Variants in AGMO observed in about 807,000 individuals in gnomAD.
The protein encoded by AGMO is alkylglycerol monooxygenase.
Under a neutral mutation model 60.2 loss-of-function variants are expected in AGMO, and 75 were observed. The ratio of observed to expected loss-of-function variants is 1.25; its 90% CI spans 1.03 to 1.51. The LOEUF is 1.51. AGMO is among the 40% of genes most tolerant of loss of function. The pLI, the probability that AGMO is intolerant of heterozygous loss-of-function variation, is 0.00. For missense variants in AGMO, 763 were observed against 525.5 expected (o/e 1.45, Z -4.42); for synonymous variants, 261 against 177.1 (o/e 1.47, Z -3.76).
intron 3 of AGMO, among the ~76,000 whole-genome samples, chr7:15,473,207 G>A (rs978824785): frequency 2.6e-5 from 4 of 151,818 alleles, no homozygotes; most frequent in African/African-American, 7.3e-5. Flanking sequence ...GGAAGAAGTG[G>A]AATTCCTGAA....
At chr7:15,354,443 CACGT>C (rs1471490542) in intron 12 of AGMO, among the ~76,000 whole-genome samples, 2,147 of 18,728 alleles carry the variant, frequency 0.11, 248 homozygotes, top group African/African-American at 0.22. Context: ...TGTGTATACA[CACGT>C]GTGTGTATAC....
chr7:15,469,895 G>A lies in AGMO; in HGVS notation c.410-38787C>T, dbSNP rs146939680. 3.3e-5 allele frequency among the ~76,000 whole-genome samples: 5 copies of A among 152,086 alleles called. No homozygotes were observed. The South Asian group carries it at 8.3e-4, about 25-fold the overall frequency. On this transcript the variant is annotated intron_variant, in intron 3 of 12. Coordinates refer to ENST00000342526, the MANE Select transcript of AGMO (RefSeq NM_001004320.2). ...GGTGAAGATGGAGACTAGGATGATT[G>A]TCATGTGTCAATTATACGTAGGCAT...
chr7:15,473,445 A>G (rs1782509960), intron 3 of AGMO, among the ~76,000 whole-genome samples: 1 of 152,018 alleles, frequency 6.6e-6, no homozygotes, highest in African/African-American at 2.4e-5. Context: ...GACACAACAA[A>G]AAAAGAAAAT....
chr7:15,309,094 A>G (rs568539889), intron 12 of AGMO, among the ~76,000 whole-genome samples: 2 of 152,296 alleles, frequency 1.3e-5, no homozygotes, highest in South Asian at 4.1e-4. Flanking sequence ...CATCAGCAAT[A>G]GTTCCTTAGA....
chr7:15,284,672 G>C (rs1784053930), intron 12 of AGMO, among the ~76,000 whole-genome samples: 1 of 151,712 alleles, frequency 6.6e-6, no homozygotes, highest in African/African-American at 2.4e-5. Context: ...AACCCTGCTG[G>C]AACTAGTCCA....
rs370724708 is a variant in AGMO, at chr7:15,547,588, C to T, written c.258-2665G>A. On this transcript the variant is annotated intron_variant, in intron 2 of 12. Coordinates refer to ENST00000342526, the MANE Select transcript of AGMO (RefSeq NM_001004320.2). ...CCTGGAAAATCGGGTCACTCCCACA[C>T]GAATATTGCGCTTTTCGGACCGGCT... is the stretch of plus-strand genomic sequence containing the variant. Among the ~76,000 whole-genome samples the T allele has an allele frequency of 9.2e-5, 14 of 152,232 alleles. No homozygotes were observed. In the East Asian group the frequency reaches 1.2e-3, roughly 13 times the overall value.
At chr7:15,118,195 C>CAA in the AGMO span, among the ~76,000 whole-genome samples, 1 of 151,534 alleles carries the variant, frequency 6.6e-6, no homozygotes, top group Non-Finnish European at 1.5e-5. Flanking sequence ...CACACACACA[C>CAA]ACACACACAC....
intron 12 of AGMO, among the ~76,000 whole-genome samples, chr7:15,262,541 A>G (rs908434378): frequency 2.6e-5 from 4 of 152,116 alleles, no homozygotes; most frequent in African/African-American, 9.7e-5. Context: ...CATACTGCCA[A>G]TAGCAGTCTA....
chr7:15,497,236 C>A (rs909119637), intron 3 of AGMO, among the ~76,000 whole-genome samples: 1 of 151,942 alleles, frequency 6.6e-6, no homozygotes, highest in Non-Finnish European at 1.5e-5. Context: ...AAAGGTGAGT[C>A]AGATAGGTTA....
intron 12 of AGMO, among the ~76,000 whole-genome samples, chr7:15,258,661 C>G (rs982144567): frequency 4.6e-5 from 7 of 152,200 alleles, no homozygotes; most frequent in African/African-American, 1.7e-4. Flanking sequence ...AGGACCCTCA[C>G]AGAGTCCCCT....
intron 12 of AGMO, among the ~76,000 whole-genome samples, chr7:15,203,070 A>T (rs568416245): frequency 6.6e-6 from 1 of 152,290 alleles, no homozygotes; most frequent in African/African-American, 2.4e-5. Context: ...TATATTTGGC[A>T]CTAGAAGTCT....
intron 12 of AGMO, among the ~76,000 whole-genome samples, chr7:15,295,731 T>C (rs1784389046): frequency 6.6e-6 from 1 of 152,146 alleles, no homozygotes; most frequent in African/African-American, 2.4e-5. Context: ...TTCTTAAGAA[T>C]GTTCATAACC....
chr7:15,268,687 AGTT>A (rs57018597), intron 12 of AGMO, among the ~76,000 whole-genome samples: 3,362 of 152,062 alleles, frequency 0.022, 119 homozygotes, highest in African/African-American at 0.078. Flanking sequence ...AGTCAAATAA[AGTT>A]GTTCTTTTTT....
intron 12 of AGMO, among the ~76,000 whole-genome samples, chr7:15,296,206 G>A (rs1197127888): frequency 6.6e-6 from 1 of 151,962 alleles, no homozygotes; most frequent in Non-Finnish European, 1.5e-5. Flanking sequence ...TCCACATTAT[G>A]CCTAAAAAGA....
chr7:15,428,376 A>AAT (rs1781129828), intron 4 of AGMO, among the ~76,000 whole-genome samples: 1 of 152,172 alleles, frequency 6.6e-6, no homozygotes, highest in Admixed American at 6.5e-5. Flanking sequence ...AATATTTAGC[A>AAT]GCTTGTCATG....
intron 3 of AGMO, among the ~76,000 whole-genome samples, chr7:15,455,790 T>C (rs1583570892): frequency 6.6e-6 from 1 of 152,086 alleles, no homozygotes; most frequent in Non-Finnish European, 1.5e-5. Flanking sequence ...CCACCTCCTT[T>C]GAACAGTTGA....
intron 12 of AGMO, 134 bp downstream of exon 12, chr7:15,365,380 T>TATAAAAAAAAAAAAAAA: frequency 4.6e-6 from 1 of 215,436 alleles, no homozygotes; most frequent in Non-Finnish European, 7.7e-6. Flanking sequence ...TACTGGTAAG[T>TATAAAAAAAAAAAAAAA]AAAAAAAAAA....
At chr7:15,466,912 G>A (rs549299790) in intron 3 of AGMO, among the ~76,000 whole-genome samples, 1 of 152,084 alleles carries the variant, frequency 6.6e-6, no homozygotes, top group African/African-American at 2.4e-5. Flanking sequence ...AGGTTACCAG[G>A]GAAATGGAAA....
intron 5 of AGMO, among the ~76,000 whole-genome samples, chr7:15,409,785 G>C (rs1036708230): frequency 6.6e-6 from 1 of 151,752 alleles, no homozygotes; most frequent in Non-Finnish European, 1.5e-5. Flanking sequence ...AAACTGCATA[G>C]TGTAGTAGAT....
Sources: gnomAD v4.1 joint callset for allele counts (sites outside exome capture counted in the v4.1 genomes callset) on GRCh38, gnomAD v4.1.1 for gene constraint, MANE v1.5 for transcripts, NCBI Gene and HGNC (gene_info 2026-07-23, HGNC 2026-07-21) for gene names.